The following PRELID2 variants were observed in gnomAD, a reference collection of about 807,000 sequenced individuals.
PRELID2 encodes PRELI domain containing 2.
PRELID2 carries 25 observed loss-of-function variants against 28.4 expected under a neutral mutation model. That is an observed-to-expected ratio of 0.88 (90% CI 0.64 to 1.23). PRELID2 has a LOEUF of 1.23. Among genes scored for constraint, PRELID2 ranks in the 50% most tolerant of loss-of-function variants. The pLI, the probability that PRELID2 is intolerant of heterozygous loss-of-function variation, is 0.00. For synonymous variants in PRELID2, 76 were observed against 71.6 expected, an observed-to-expected ratio of 1.06 and a Z score of -0.31; for missense variants, 201 against 214.4, an observed-to-expected ratio of 0.94 and a Z score of 0.39.
intron 1 of PRELID2, among the ~76,000 whole-genome samples, chr5:145,589,509 A>T (rs968291586): frequency 6.6e-6 from 1 of 151,914 alleles, no homozygotes; most frequent in African/African-American, 2.4e-5. Context: ...AAGTCACATC[A>T]CTTTCTTTGT....
At chr5:145,296,903 A>G in the PRELID2 span, among the ~76,000 whole-genome samples, 1 of 152,164 alleles carries the variant, frequency 6.6e-6, no homozygotes, top group South Asian at 2.1e-4. Context: ...GTGAGGTGGT[A>G]TCTCATTGTG....
intron 1 of PRELID2, among the ~76,000 whole-genome samples, chr5:145,503,171 C>T (rs1205562602): frequency 1.3e-5 from 2 of 152,084 alleles, no homozygotes; most frequent in African/African-American, 4.8e-5. Context: ...ACTCTCCCAT[C>T]CCCTAGGGTC....
intron 1 of PRELID2, among the ~76,000 whole-genome samples, chr5:145,494,110 A>G (rs763042053): frequency 6.6e-5 from 10 of 152,162 alleles, no homozygotes; most frequent in Non-Finnish European, 1.3e-4. Flanking sequence ...AGGGTCTCTT[A>G]TTTTACAGAA....
At chr5:145,542,312 T>A (rs1752750564) in intron 1 of PRELID2, among the ~76,000 whole-genome samples, 1 of 151,720 alleles carries the variant, frequency 6.6e-6, no homozygotes, top group African/African-American at 2.4e-5. Context: ...GAGAAGGGAG[T>A]CTCCTAGTTA....
chr5:145,700,388 C>A (rs951093930), intron 1 of PRELID2, among the ~76,000 whole-genome samples: 3 of 152,084 alleles, frequency 2.0e-5, no homozygotes, highest in African/African-American at 7.3e-5. Flanking sequence ...TCCCTTTCCC[C>A]CCCACCACTC....
downstream of PRELID2, among the ~76,000 whole-genome samples, chr5:145,755,216 T>G (rs556702848): frequency 5.5e-4 from 83 of 152,128 alleles, no homozygotes; most frequent in African/African-American, 2.0e-3. Flanking sequence ...GTGGCAACCG[T>G]GTTTTGGGAT....
chr5:145,420,050 G>A, the PRELID2 span, among the ~76,000 whole-genome samples: 1 of 151,798 alleles, frequency 6.6e-6, no homozygotes, highest in Non-Finnish European at 1.5e-5. Context: ...TAGATATGCG[G>A]CATTATTTCT....
the PRELID2 span, among the ~76,000 whole-genome samples, chr5:145,376,109 T>C: frequency 6.6e-6 from 1 of 152,188 alleles, no homozygotes; most frequent in Admixed American, 6.5e-5. Flanking sequence ...CATGCAGTGG[T>C]GTTAAAATTT....
chr5:145,602,051 C>A (rs1474194876), intron 1 of PRELID2, among the ~76,000 whole-genome samples: 1 of 152,170 alleles, frequency 6.6e-6, no homozygotes, highest in Admixed American at 6.5e-5. Context: ...TTTTTATTTT[C>A]TGGCACTGCG....
the PRELID2 span, among the ~76,000 whole-genome samples, chr5:145,262,191 T>G: frequency 1.3e-5 from 2 of 151,918 alleles, no homozygotes; most frequent in African/African-American, 2.4e-5. Flanking sequence ...TCTAAGAAAT[T>G]TGGGATTATG....
At chr5:145,289,457 C>T in the PRELID2 span, among the ~76,000 whole-genome samples, 60,744 of 151,918 alleles carry the variant, frequency 0.4, 13,175 homozygotes, top group African/African-American at 0.57. Context: ...TGCTAAATAA[C>T]ATTCTGGTGT....
intron 1 of PRELID2, among the ~76,000 whole-genome samples, chr5:145,546,740 A>C (rs1752791583): frequency 6.6e-6 from 1 of 152,214 alleles, no homozygotes. Context: ...TCAGGTGTTC[A>C]GGAAGTGAAT....
At chr5:145,349,632 G>T in the PRELID2 span, among the ~76,000 whole-genome samples, 16 of 151,960 alleles carry the variant, frequency 1.1e-4, no homozygotes, top group Non-Finnish European at 2.2e-4. Flanking sequence ...AATTAAAGAA[G>T]TAGAGAAATT....
chr5:145,574,275 C>T (rs1475096107), intron 1 of PRELID2, among the ~76,000 whole-genome samples: 1 of 152,176 alleles, frequency 6.6e-6, no homozygotes, highest in Non-Finnish European at 1.5e-5. Context: ...AGACTCTTCC[C>T]TAGAGACTCC....
intron 1 of PRELID2, among the ~76,000 whole-genome samples, chr5:145,681,731 A>G (rs1754939652): frequency 6.6e-6 from 1 of 152,124 alleles, no homozygotes; most frequent in South Asian, 2.1e-4. Flanking sequence ...TGACTATCCT[A>G]TCTGGCTTCT....
the PRELID2 span, among the ~76,000 whole-genome samples, chr5:145,286,916 G>C: frequency 2.8e-4 from 43 of 151,860 alleles, no homozygotes; most frequent in Non-Finnish European, 4.7e-4. Context: ...CACCATATTG[G>C]CCAGGCTGGT....
At chr5:145,229,156 C>T in the PRELID2 span, 1 of 963,568 alleles carries the variant, frequency 1.0e-6, no homozygotes. Flanking sequence ...AAGTGTGTGT[C>T]CCACAGCCCC....
rs529312531 is a variant in PRELID2, at chr5:145,704,902, A to G, written n.70+60029T>C. Among the ~76,000 whole-genome samples, 61 of 152,330 alleles carry G rather than the reference A, an allele frequency of 4.0e-4. No individual in the cohort carries two copies. In the South Asian group the frequency reaches 5.4e-3, roughly 13 times the overall value. On this transcript the variant is annotated intron_variant and non_coding_transcript_variant, in intron 1 of 2. Transcript: ENST00000510259. ...GCTGTGCAAAGAGATTAAAAAGCAC[A>G]CACAGGAAGGAGCTGAGAGTCATGA...
chr5:145,416,506 G>T, the PRELID2 span, among the ~76,000 whole-genome samples: 1 of 151,898 alleles, frequency 6.6e-6, no homozygotes, highest in African/African-American at 2.4e-5. Context: ...GAAAATTTTC[G>T]CAACCTACTC....
Sources: gnomAD v4.1 joint callset for allele counts (sites outside exome capture counted in the v4.1 genomes callset) on GRCh38, gnomAD v4.1.1 for gene constraint, MANE v1.5 for transcripts, NCBI Gene and HGNC (gene_info 2026-07-23, HGNC 2026-07-21) for gene names.